CELF4: variants seen among roughly 807,000 people sequenced by gnomAD.
CELF4 encodes the protein CUGBP Elav-like family member 4.
In CELF4, 18 loss-of-function variants were observed where a neutral mutation model predicts 59.9. That is an observed-to-expected ratio of 0.30 (90% CI 0.21 to 0.45). The LOEUF (loss-of-function observed/expected upper bound fraction) is 0.45. Ranked by LOEUF, CELF4 falls within the 20% of genes least tolerant of loss-of-function variation. CELF4 has a pLI of 1.00. For missense variants in CELF4, 456 were observed against 689.0 expected, an observed-to-expected ratio of 0.66 and a Z score of 3.79; for synonymous variants, 261 against 267.1, an observed-to-expected ratio of 0.98 and a Z score of 0.22.
Position 37,367,375 on chromosome 18 carries a change from A to G in CELF4, c.370-45494T>C, listed in dbSNP as rs561158467. ...CACTGGAGACAGTTCGTTTGGGGCC[A>G]GGAGCTGTGGGCTCCTGAGTCTCTG... On this transcript the variant is annotated intron_variant, in intron 2 of 12. Transcript: ENST00000420428. Among the ~76,000 whole-genome samples the G allele has an allele frequency of 1.4e-4, 21 of 151,980 alleles. No homozygotes were observed. The South Asian group carries it at 4.4e-3, about 32-fold the overall frequency.
chr18:37,483,532 C>T (rs1292305917), intron 2 of CELF4, among the ~76,000 whole-genome samples: 1 of 152,214 alleles, frequency 6.6e-6, no homozygotes, highest in East Asian at 1.9e-4. Flanking sequence ...CCAACATACA[C>T]TCACGTTTCT....
At chr18:37,520,935 A>T (rs1433131996) in intron 1 of CELF4, among the ~76,000 whole-genome samples, 1 of 152,112 alleles carries the variant, frequency 6.6e-6, no homozygotes. Flanking sequence ...TGCAATCATC[A>T]GGAAAGCCCC....
At chr18:37,457,600 G>C (rs566467665) in intron 2 of CELF4, among the ~76,000 whole-genome samples, 7 of 152,222 alleles carry the variant, frequency 4.6e-5, no homozygotes, top group Non-Finnish European at 8.8e-5. Flanking sequence ...ACTGAGCAAG[G>C]CTTCCTGCTA....
intron 8 of CELF4, among the ~76,000 whole-genome samples, chr18:37,268,212 A>G (rs2078655139): frequency 6.6e-6 from 1 of 152,044 alleles, no homozygotes; most frequent in African/African-American, 2.4e-5. Context: ...ATGAGCCACA[A>G]TGCAGGCTCC....
At chr18:37,433,162 G>GC (rs748468604) in intron 2 of CELF4, among the ~76,000 whole-genome samples, 10 of 152,152 alleles carry the variant, frequency 6.6e-5, no homozygotes, top group Admixed American at 1.3e-4. Context: ...TCCTACAATG[G>GC]CCCCCTCTTC....
chr18:37,301,029 G>A (rs1246957976), intron 3 of CELF4, among the ~76,000 whole-genome samples: 3 of 152,194 alleles, frequency 2.0e-5, no homozygotes, highest in Non-Finnish European at 4.4e-5. Context: ...ATCTGATTGG[G>A]CCACTGTGTA....
At chr18:37,274,672 C>CT (rs2092695963) in intron 5 of CELF4, 133 bp downstream of exon 5, 3 of 1,480,206 alleles carry the variant, frequency 2.0e-6, no homozygotes, top group Admixed American at 2.4e-5. Flanking sequence ...CTTCCGCGTC[C>CT]TTGTCTGAGG....
chr18:37,379,507 C>CAAAAAAAAAAAAAAA lies in CELF4; in HGVS notation c.370-57641_370-57627dup, dbSNP rs56250210. On this transcript the variant is annotated intron_variant, in intron 2 of 12. Transcript: ENST00000420428. ...GGCATCACAAATAAGAGGCCATAAG[C>CAAAAAAAAAAAAAAA]AAAAAAAAAAAAAAAAAAAAAAAAA... 8.8e-5 allele frequency among the ~76,000 whole-genome samples: 4 copies of CAAAAAAAAAAAAAAA among 45,712 alleles called. 1 individual carries two copies. Among genetic ancestry groups the CAAAAAAAAAAAAAAA allele is most frequent in the African/African-American group, 3.8e-4 (4 of 10,586 alleles). The allele number at this position is 45,712 out of a possible 152,430, so 30.0% of individuals were successfully genotyped here.
chr18:37,531,282 T>G (rs1402290274), intron 1 of CELF4, among the ~76,000 whole-genome samples: 1 of 152,070 alleles, frequency 6.6e-6, no homozygotes, highest in Non-Finnish European at 1.5e-5. Context: ...AGGAAACTGG[T>G]CCTCATACTG....
intron 1 of CELF4, among the ~76,000 whole-genome samples, chr18:37,548,163 C>G (rs1235945740): frequency 6.6e-6 from 1 of 151,892 alleles, no homozygotes; most frequent in Non-Finnish European, 1.5e-5. Context: ...TGTGTTTTTT[C>G]AGATCCTCCA....
At chr18:37,464,333 C>T (rs1360685986) in intron 2 of CELF4, among the ~76,000 whole-genome samples, 2 of 152,208 alleles carry the variant, frequency 1.3e-5, no homozygotes, top group African/African-American at 2.4e-5. Flanking sequence ...GCTCCACACA[C>T]TGCCTTTCTA....
In CELF4 at chr18:37,359,581, A is replaced by C. The variant is rs112145823; in HGVS notation, c.370-37700T>G. On this transcript the variant is annotated intron_variant, in intron 2 of 12. Transcript: ENST00000420428. The stretch of plus-strand genomic sequence containing the variant: ...ACTCCTAGACTCCTGGCCTCAAACG[A>C]TCCTCATGCCTTGGCCTCCCAGAGT... Among the ~76,000 whole-genome samples the C allele has an allele frequency of 5.3e-4, 80 of 152,214 alleles. 1 individual carries two copies. Among genetic ancestry groups the C allele is most frequent in the African/African-American group, 1.9e-3 (77 of 41,540 alleles).
intron 1 of CELF4, among the ~76,000 whole-genome samples, chr18:37,487,614 C>A (rs555222907): frequency 1.4e-3 from 209 of 152,278 alleles, no homozygotes; most frequent in African/African-American, 4.5e-3. Context: ...GCCTGCTTCT[C>A]CCGGGGGCGT....
At chr18:37,398,632 T>C (rs1194987055) in intron 2 of CELF4, among the ~76,000 whole-genome samples, 2 of 152,048 alleles carry the variant, frequency 1.3e-5, no homozygotes, top group African/African-American at 4.8e-5. Flanking sequence ...ACAGAGGTCC[T>C]CCCAAGGAGG....
At chr18:37,521,756 G>A (rs1436067409) in intron 1 of CELF4, among the ~76,000 whole-genome samples, 1 of 152,196 alleles carries the variant, frequency 6.6e-6, no homozygotes, top group African/African-American at 2.4e-5. Flanking sequence ...TTTTGCAGCG[G>A]TGACCCTGGC....
chr18:37,280,586 C>G (rs1189665036), intron 3 of CELF4, among the ~76,000 whole-genome samples: 1 of 152,190 alleles, frequency 6.6e-6, no homozygotes, highest in Non-Finnish European at 1.5e-5. Context: ...ACTAGCTACA[C>G]CCTGATGGCT....
intron 2 of CELF4, among the ~76,000 whole-genome samples, chr18:37,432,795 A>T (rs1271810440): frequency 2.0e-5 from 3 of 151,910 alleles, no homozygotes; most frequent in Non-Finnish European, 4.4e-5. Flanking sequence ...ACTGTTTTCT[A>T]CCCTCCTCAA....
rs994938824 is a variant in CELF4, at chr18:37,245,182, C to G, written c.*60G>C. On this transcript the variant is annotated 3_prime_UTR_variant, in exon 13 of 13. Coordinates refer to ENST00000420428, the MANE Select transcript of CELF4 (RefSeq NM_020180.4). This position sits in a 1 kb window ranked among gnomAD's most constrained non-coding sequence, Gnocchi z 4.1. Reference sequence around the variant, plus strand: ...GAGAGGTTTGTTTTTTAATGTAGCCCGTTCAGCATCCTGCCCTAAAATGAA... The same window carrying G: ...GAGAGGTTTGTTTTTTAATGTAGCCGGTTCAGCATCCTGCCCTAAAATGAA... 6.6e-6 allele frequency: 1 copy of G among 151,944 alleles called. No individual in the cohort carries two copies. Among genetic ancestry groups the G allele is most frequent in the African/African-American group, 2.4e-5 (1 of 41,276 alleles). The allele number at this position is 151,944 out of a possible 1,614,324, so 9.4% of individuals were successfully genotyped here. A position where few individuals can be genotyped will look rare whatever the true frequency, so the allele number is the denominator to read the frequency against.
At chr18:37,339,947 G>C (rs1039277839) in intron 2 of CELF4, among the ~76,000 whole-genome samples, 5 of 152,178 alleles carry the variant, frequency 3.3e-5, no homozygotes, top group African/African-American at 1.2e-4. Context: ...TTGGGGTTCT[G>C]TGTGTCCGGC....
Sources: allele counts gnomAD v4.1 joint callset (sites outside exome capture counted in the v4.1 genomes callset), GRCh38; gene constraint gnomAD v4.1.1; non-coding constraint Gnocchi (gnomAD v3.1); transcripts MANE v1.5; gene names NCBI Gene and HGNC (gene_info 2026-07-23, HGNC 2026-07-21).